Variants in ADCY8 observed in about 807,000 individuals in gnomAD.
ADCY8 encodes the protein adenylate cyclase type 8.
In ADCY8, 51 loss-of-function variants were observed where a neutral mutation model predicts 119.7. The ratio of observed to expected loss-of-function variants is 0.43; its 90% CI spans 0.34 to 0.54. The LOEUF (loss-of-function observed/expected upper bound fraction) is 0.54. Ranked by LOEUF, ADCY8 falls within the 20% of genes least tolerant of loss-of-function variation. The pLI, the probability that ADCY8 is intolerant of heterozygous loss-of-function variation, is 0.03. For missense variants in ADCY8, 1,383 were observed against 1,598.8 expected (o/e 0.87, Z 2.30); for synonymous variants, 665 against 651.0 (o/e 1.02, Z -0.33).
chr8:131,038,090 A>G (rs1335990678), intron 1 of ADCY8, among the ~76,000 whole-genome samples: 1 of 152,206 alleles, frequency 6.6e-6, no homozygotes, highest in South Asian at 2.1e-4. Flanking sequence ...AAAGGAATAT[A>G]GAACCATTGG....
At chr8:130,865,336 T>C (rs1274347577) in intron 9 of ADCY8, among the ~76,000 whole-genome samples, 3 of 152,010 alleles carry the variant, frequency 2.0e-5, no homozygotes, top group African/African-American at 7.2e-5. Context: ...TTCTGAAATA[T>C]ATATATTTTA....
intron 1 of ADCY8, among the ~76,000 whole-genome samples, chr8:131,009,123 C>T (rs911517193): frequency 3.3e-5 from 5 of 152,276 alleles, no homozygotes; most frequent in African/African-American, 1.2e-4. Flanking sequence ...GCATAAGTAA[C>T]GAGGAGCTGA....
At chr8:130,949,410 T>G (rs1006393709) in intron 3 of ADCY8, 1 of 152,170 alleles carries the variant, frequency 6.6e-6, no homozygotes, top group African/African-American at 2.4e-5. Context: ...ATTTATATGA[T>G]TTGTATATAT....
intron 9 of ADCY8, among the ~76,000 whole-genome samples, chr8:130,866,182 TA>T (rs1417766760): frequency 6.6e-6 from 1 of 152,146 alleles, no homozygotes; most frequent in Non-Finnish European, 1.5e-5. Context: ...TTTTGCTATC[TA>T]GTTGGTCAGA....
At chr8:130,995,788 C>A (rs1822754939) in intron 1 of ADCY8, among the ~76,000 whole-genome samples, 1 of 152,126 alleles carries the variant, frequency 6.6e-6, no homozygotes, top group Non-Finnish European at 1.5e-5. Context: ...TATTCCTGCA[C>A]CCTGTGAATT....
At chr8:130,874,988 A>G (rs1354711470) in intron 8 of ADCY8, among the ~76,000 whole-genome samples, 1 of 152,194 alleles carries the variant, frequency 6.6e-6, no homozygotes, top group Admixed American at 6.5e-5. Flanking sequence ...TTCAGTGACC[A>G]GGTCAATGGC....
intron 1 of ADCY8, among the ~76,000 whole-genome samples, chr8:130,992,394 TATATATATATATATATA>T (rs774370509): frequency 0.53 from 62,584 of 117,826 alleles, 17,473 homozygotes; most frequent in East Asian, 0.83. Context: ...TATATATATA[TATATATATATATATATA>T]TATATATATA....
chr8:130,862,923 G>C, intron 9 of ADCY8, among the ~76,000 whole-genome samples: 1 of 152,090 alleles, frequency 6.6e-6, no homozygotes, highest in East Asian at 1.9e-4. Context: ...GGTCTACCTT[G>C]GTTACTGTTC....
At chr8:130,949,353 C>T (rs1821205321) in intron 3 of ADCY8, among the ~76,000 whole-genome samples, 1 of 152,088 alleles carries the variant, frequency 6.6e-6, no homozygotes, top group South Asian at 2.1e-4. Flanking sequence ...CCTTCTTTCT[C>T]CATGGTGACA....
intron 1 of ADCY8, among the ~76,000 whole-genome samples, chr8:131,015,376 T>A (rs1823439037): frequency 6.6e-6 from 1 of 152,124 alleles, no homozygotes; most frequent in South Asian, 2.1e-4. Flanking sequence ...GATGAGGTTA[T>A]ATTTACGCAG....
At chr8:130,901,242 C>CTT (rs34424673) in intron 7 of ADCY8, among the ~76,000 whole-genome samples, 20,422 of 115,434 alleles carry the variant, frequency 0.18, 2,378 homozygotes, top group African/African-American at 0.31. Context: ...CATCCCTCCT[C>CTT]TTTTTTTTTT....
chr8:130,916,763 G>A (rs1305762670), intron 5 of ADCY8, among the ~76,000 whole-genome samples: 2 of 152,204 alleles, frequency 1.3e-5, no homozygotes, highest in Non-Finnish European at 2.9e-5. Context: ...CCATCCCTTC[G>A]TTTCCCTCAA....
At chr8:130,942,982 T>C (rs917914495) in intron 4 of ADCY8, among the ~76,000 whole-genome samples, 5 of 152,070 alleles carry the variant, frequency 3.3e-5, no homozygotes, top group African/African-American at 1.2e-4. Flanking sequence ...ATGGCCAGGG[T>C]TGGCTGGGAA....
intron 2 of ADCY8, among the ~76,000 whole-genome samples, chr8:130,971,162 C>T (rs564018740): frequency 7.2e-5 from 11 of 152,276 alleles, no homozygotes; most frequent in African/African-American, 2.6e-4. Context: ...TGGTGTGTTA[C>T]TGTGTTAACA....
chr8:130,915,328 A>C (rs1820094780), intron 5 of ADCY8, among the ~76,000 whole-genome samples: 1 of 152,162 alleles, frequency 6.6e-6, no homozygotes, highest in East Asian at 1.9e-4. Context: ...TTTTTAGACA[A>C]TTAATCCATA....
At chr8:130,843,245 GTC>G (rs1335045305) in intron 11 of ADCY8, among the ~76,000 whole-genome samples, 1 of 152,190 alleles carries the variant, frequency 6.6e-6, no homozygotes, top group Non-Finnish European at 1.5e-5. Flanking sequence ...ATCTTTCTCA[GTC>G]TGACTGGTGG....
At chr8:130,959,789 G>A (rs1446493031) in intron 2 of ADCY8, among the ~76,000 whole-genome samples, 1 of 152,172 alleles carries the variant, frequency 6.6e-6, no homozygotes, top group Non-Finnish European at 1.5e-5. Context: ...ATTGAAGAGG[G>A]CACAGCATGT....
At chr8:130,878,976 T>A (rs1225937618) in intron 8 of ADCY8, among the ~76,000 whole-genome samples, 1 of 152,168 alleles carries the variant, frequency 6.6e-6, no homozygotes, top group African/African-American at 2.4e-5. Flanking sequence ...CACCTTATTA[T>A]AAGGTGATAA....
chr8:130,977,531 T>A (rs2130717032), intron 2 of ADCY8, among the ~76,000 whole-genome samples: 1 of 152,354 alleles, frequency 6.6e-6, no homozygotes, highest in African/African-American at 2.4e-5. Flanking sequence ...GGAATGTATA[T>A]ATTTCACAAT....
Sources: gnomAD v4.1 joint callset for allele counts (sites outside exome capture counted in the v4.1 genomes callset) on GRCh38, gnomAD v4.1.1 for gene constraint, MANE v1.5 for transcripts, NCBI Gene and HGNC (gene_info 2026-07-23, HGNC 2026-07-21) for gene names.